The following PTGES3 variants were observed in gnomAD, a reference collection of about 807,000 sequenced individuals.
PTGES3 encodes prostaglandin E synthase 3, also known as Hsp90 co-chaperone.
In PTGES3, 5 loss-of-function variants were observed where a neutral mutation model predicts 29.9. The ratio of observed to expected loss-of-function variants is 0.17; its 90% CI spans 0.09 to 0.35. PTGES3 has a LOEUF of 0.35. Ranked by LOEUF, PTGES3 falls within the 10% of genes least tolerant of loss-of-function variation. The pLI is 1.00. For synonymous variants in PTGES3, 49 were observed against 57.8 expected (o/e 0.85, Z 0.69); for missense variants, 128 against 190.0 (o/e 0.67, Z 1.92).
chr12:56,668,429 A>C (rs1565860671), intron 5 of PTGES3, among the ~76,000 whole-genome samples: 1 of 152,100 alleles, frequency 6.6e-6, no homozygotes, highest in African/African-American at 2.4e-5. Context: ...AATAAAACAA[A>C]AAACAAAAAA....
At chr12:56,677,321 G>A (rs927635266) in intron 1 of PTGES3, among the ~76,000 whole-genome samples, 6 of 151,784 alleles carry the variant, frequency 4.0e-5, no homozygotes, top group African/African-American at 1.2e-4. Flanking sequence ...GTATCTTAGA[G>A]TGGAAACTAC....
At chr12:56,671,065 ACACCAGTG>A (rs1465239884) in intron 4 of PTGES3, among the ~76,000 whole-genome samples, 2 of 152,164 alleles carry the variant, frequency 1.3e-5, no homozygotes, top group East Asian at 3.9e-4. Flanking sequence ...AGCCATGTTC[ACACCAGTG>A]CACTCTGGCA....
chr12:56,672,654 G>A, intron 3 of PTGES3, 86 bp downstream of exon 3: 2 of 1,397,534 alleles, frequency 1.4e-6, no homozygotes, highest in South Asian at 1.7e-5. Context: ...AAGAAAAACA[G>A]AACTAATGCT....
chr12:56,687,961 A>G (rs926908810), intron 1 of PTGES3, 37 bp downstream of exon 1: 1 of 1,602,816 alleles, frequency 6.2e-7, no homozygotes, highest in Non-Finnish European at 8.5e-7. Flanking sequence ...CCTCGGCCTC[A>G]CTCGGCGACC....
intron 3 of PTGES3, 45 bp from the exon 4 acceptor site, chr12:56,671,892 C>T (rs368806608): frequency 1.6e-4 from 187 of 1,177,874 alleles, no homozygotes; most frequent in Non-Finnish European, 2.1e-4. Context: ...TCCAGCATCA[C>T]TACATGATAG....
intron 4 of PTGES3, among the ~76,000 whole-genome samples, chr12:56,671,494 T>C (rs923710067): frequency 6.6e-6 from 1 of 152,242 alleles, no homozygotes; most frequent in Non-Finnish European, 1.5e-5. Context: ...TCACCAAGCT[T>C]TGTCCCCTCC....
intron 1 of PTGES3, among the ~76,000 whole-genome samples, chr12:56,677,235 T>C (rs1017697286): frequency 2.7e-5 from 4 of 148,288 alleles, no homozygotes; most frequent in Non-Finnish European, 5.9e-5. Context: ...TGAGACTCCT[T>C]CTCCGCACCA....
intron 3 of PTGES3, 78 bp from the exon 4 acceptor site, chr12:56,671,925 C>CTT: frequency 1.1e-6 from 1 of 885,194 alleles, no homozygotes; most frequent in South Asian, 2.8e-5. Flanking sequence ...CATTTCTCAC[C>CTT]TTTCTCATTT....
intron 1 of PTGES3, chr12:56,687,013 A>C (rs1439426462): frequency 7.9e-6 from 3 of 378,736 alleles, no homozygotes; most frequent in African/African-American, 4.2e-5. Context: ...GTCAAAAAAA[A>C]AAAAAAAAAA....
intron 1 of PTGES3, chr12:56,687,123 G>A (rs547855034): frequency 2.5e-6 from 2 of 812,184 alleles, no homozygotes; most frequent in Non-Finnish European, 3.2e-6. Context: ...ATCGTAAAAT[G>A]AAGACTGCCA....
intron 1 of PTGES3, among the ~76,000 whole-genome samples, chr12:56,682,083 G>C (rs1264673279): frequency 6.6e-6 from 1 of 152,026 alleles, no homozygotes; most frequent in Non-Finnish European, 1.5e-5. Flanking sequence ...CTGACCACAA[G>C]TGACCTGCCC....
chr12:56,667,716 G>C (rs1951841743), intron 5 of PTGES3, among the ~76,000 whole-genome samples: 1 of 152,168 alleles, frequency 6.6e-6, no homozygotes, highest in Non-Finnish European at 1.5e-5. Context: ...TGTTAAATAG[G>C]TATCAAATTC....
chr12:56,671,880 T>A, intron 3 of PTGES3, 33 bp from the exon 4 acceptor site: 4 of 1,325,346 alleles, frequency 3.0e-6, no homozygotes, highest in Non-Finnish European at 4.2e-6. Flanking sequence ...ACCATTTATC[T>A]TTCCAGCATC....
intron 4 of PTGES3, among the ~76,000 whole-genome samples, chr12:56,670,941 G>GA (rs1157594661): frequency 7.9e-5 from 12 of 152,004 alleles, no homozygotes; most frequent in African/African-American, 2.9e-4. Context: ...TGTATCTGGG[G>GA]AAAAAACAAA....
At chr12:56,676,390 A>G (rs1952249559) in intron 1 of PTGES3, among the ~76,000 whole-genome samples, 1 of 152,122 alleles carries the variant, frequency 6.6e-6, no homozygotes. Flanking sequence ...GTTTTATTAT[A>G]TAATCTAAAC....
At chr12:56,682,934 C>T (rs1952619621) in intron 1 of PTGES3, among the ~76,000 whole-genome samples, 1 of 151,626 alleles carries the variant, frequency 6.6e-6, no homozygotes, top group Non-Finnish European at 1.5e-5. Flanking sequence ...GCAGAGGTTG[C>T]AGTGAGCCAA....
chr12:56,669,776 A>AT (rs1174306471), intron 5 of PTGES3, among the ~76,000 whole-genome samples: 2 of 151,368 alleles, frequency 1.3e-5, no homozygotes, highest in African/African-American at 2.4e-5. Context: ...TGCCCAGCTA[A>AT]TTTTTTTTGT....
chr12:56,681,094 G>C (rs1455022446), intron 1 of PTGES3, among the ~76,000 whole-genome samples: 2 of 151,350 alleles, frequency 1.3e-5, no homozygotes, highest in African/African-American at 4.9e-5. Context: ...GTTGTGTTTT[G>C]TTTTTTTGTT....
At chr12:56,670,488 A>C in intron 4 of PTGES3, 124 bp from the exon 5 acceptor site, 1 of 685,206 alleles carries the variant, frequency 1.5e-6, no homozygotes. Flanking sequence ...GCTGGAGTGC[A>C]GCAAGCATTC....
Sources: gnomAD v4.1 joint callset for allele counts (sites outside exome capture counted in the v4.1 genomes callset) on GRCh38, gnomAD v4.1.1 for gene constraint, MANE v1.5 for transcripts, NCBI Gene and HGNC (gene_info 2026-07-23, HGNC 2026-07-21) for gene names.